EFCAB14: variants seen among roughly 807,000 people sequenced by gnomAD.
The protein encoded by EFCAB14 is EF-hand calcium-binding domain-containing protein 14.
EFCAB14 carries 43 observed loss-of-function variants against 56.5 expected under a neutral mutation model. That is an observed-to-expected ratio of 0.76 (90% CI 0.60 to 0.98). The LOEUF (loss-of-function observed/expected upper bound fraction) is 0.98. EFCAB14 is among the 50% of genes least tolerant of loss of function. The pLI, the probability that EFCAB14 is intolerant of heterozygous loss-of-function variation, is 0.00. For missense variants in EFCAB14, 538 were observed against 580.3 expected (o/e 0.93, Z 0.75); for synonymous variants, 235 against 212.9 (o/e 1.10, Z -0.90).
rs1445024066 is a variant in EFCAB14 at position 46,677,192 on chromosome 1, T to A, written c.*1269A>T. On this transcript the variant is annotated 3_prime_UTR_variant, in exon 11 of 11. Coordinates refer to ENST00000371933, the MANE Select transcript of EFCAB14 (RefSeq NM_014774.3). ...CCACAGAAGCATTTAAAGGAAGTAT[T>A]GTACTTGATTGTATTAGATTTGAAA... is the stretch of plus-strand genomic sequence containing the variant. 6.6e-6 allele frequency: 1 copy of A among 152,584 alleles called. No individual in the cohort carries two copies. Among genetic ancestry groups the A allele is most frequent in the Non-Finnish European group, 1.5e-5 (1 of 68,038 alleles). 9.5% of individuals were successfully genotyped at this position (152,584 alleles called of 1,614,324 possible).
chr1:46,684,608 C>G lies in EFCAB14; in HGVS notation c.1075-6G>C. ...GAATTTGAACTATCTTCTTTCTGCACAAAACAAAGATTATAGAAGGTTTAA... is the reference window on the plus strand; with the variant it reads ...GAATTTGAACTATCTTCTTTCTGCAGAAAACAAAGATTATAGAAGGTTTAA... On this transcript the variant is annotated splice_region_variant and splice_polypyrimidine_tract_variant and intron_variant, in intron 8 of 10. Coordinates refer to ENST00000371933, the MANE Select transcript of EFCAB14 (RefSeq NM_014774.3). The G allele has an allele frequency of 6.2e-7, 1 of 1,608,612 alleles. No individual in the cohort carries two copies. Among genetic ancestry groups the G allele is most frequent in the South Asian group, 1.1e-5 (1 of 90,980 alleles).
At chr1:46,691,484 G>A (rs554550585) in intron 5 of EFCAB14, among the ~76,000 whole-genome samples, 13 of 152,272 alleles carry the variant, frequency 8.5e-5, no homozygotes, top group African/African-American at 2.9e-4. Flanking sequence ...CTTGTTTTAA[G>A]CCACAAACTT....
intron 10 of EFCAB14, 61 bp from the exon 11 acceptor site, chr1:46,678,697 A>C: frequency 3.4e-6 from 5 of 1,489,536 alleles, no homozygotes; most frequent in Non-Finnish European, 4.5e-6. Context: ...TTTAGTTAAA[A>C]GTAGTCTCAA....
Position 46,684,506 on chromosome 1 carries a change from C to G in EFCAB14, c.1171G>C (p.Glu391Gln), listed in dbSNP as rs1676847173. 2.5e-6 allele frequency: 4 copies of G among 1,614,026 alleles called. No individual in the cohort carries two copies. The highest frequency in any genetic ancestry group is 3.4e-6 in the Non-Finnish European group (4 of 1,179,948). The part of the protein sequence containing the change: ...TNKPESNRPP[E>Q]TADEEQVESF... ...CTGCTCTCACCTTCATCGGCGGTCTCTGGAGGCCTGTTGCTCTCAGGTTTG... is the reference window on the plus strand; with the variant it reads ...CTGCTCTCACCTTCATCGGCGGTCTGTGGAGGCCTGTTGCTCTCAGGTTTG... Residue 391 changes from glutamate (E) to glutamine (Q), a missense_variant, in exon 9 of 11, where the codon GAG becomes CAG. Transcript: ENST00000371933.
At chr1:46,713,584 A>G (rs904442828) in intron 2 of EFCAB14, among the ~76,000 whole-genome samples, 16 of 152,224 alleles carry the variant, frequency 1.1e-4, no homozygotes, top group African/African-American at 3.1e-4. Context: ...TATAAATTAC[A>G]TAAGTATCCT....
Position 46,684,530 on chromosome 1 carries a change from T to C in EFCAB14, c.1147A>G (p.Lys383Glu). 1 of 1,614,166 alleles carries C rather than the reference T, an allele frequency of 6.2e-7. No individual in the cohort carries two copies. Among genetic ancestry groups the C allele is most frequent in the Non-Finnish European group, 8.5e-7 (1 of 1,180,000 alleles). Residue 383 changes from lysine (K) to glutamate (E), a missense_variant, in exon 9 of 11, where the codon AAA becomes GAA. By Grantham distance (56) the Lys-to-Glu change is moderately conservative. Coordinates refer to ENST00000371933, the MANE Select transcript of EFCAB14 (RefSeq NM_014774.3). ...KLQLISALTN[K>E]PESNRPPETA... ...TCTGGAGGCCTGTTGCTCTCAGGTTTGTTTGTAAGAGCACTGATCAGCTGG... is the reference window on the plus strand; with the variant it reads ...TCTGGAGGCCTGTTGCTCTCAGGTTCGTTTGTAAGAGCACTGATCAGCTGG...
chr1:46,694,962 G>A (rs1027779249), intron 4 of EFCAB14, among the ~76,000 whole-genome samples: 2 of 151,468 alleles, frequency 1.3e-5, no homozygotes, highest in African/African-American at 4.8e-5. Flanking sequence ...ATCATTCTCA[G>A]CAAACTATTG....
At chr1:46,688,202 A>G in intron 7 of EFCAB14, 151 bp downstream of exon 7, 1 of 743,078 alleles carries the variant, frequency 1.3e-6, no homozygotes, top group South Asian at 1.8e-5. Context: ...TAGTGTGAGG[A>G]TTAAATGAGA....
chr1:46,704,900 C>CT (rs11443920), intron 3 of EFCAB14, among the ~76,000 whole-genome samples: 120,565 of 150,054 alleles, frequency 0.8, 48,584 homozygotes, highest in East Asian at 0.9. Context: ...AAACTAATGG[C>CT]TTTTTTTTCA....
intron 1 of EFCAB14, among the ~76,000 whole-genome samples, chr1:46,717,242 C>T (rs1677411163): frequency 6.6e-6 from 1 of 152,200 alleles, no homozygotes; most frequent in Admixed American, 6.5e-5. Context: ...TTTCTACATC[C>T]TCAGCAGAAT....
chr1:46,707,959 C>A lies in EFCAB14; in HGVS notation c.427G>T (p.Gly143Ter). 6.2e-7 allele frequency: 1 copy of A among 1,612,458 alleles called. No individual in the cohort carries two copies. ...KQKQLEKIES[G>*]EMGLNKVWIN... ...CAGACTTTGTTCAAACCCATCTCTC[C>A]AGATTCAATCTTCTCAAGTTGTTTT... is the stretch of plus-strand genomic sequence containing the variant. The change falls in exon 3 of 11, where the codon GGA becomes TGA. Residue 143 changes from glycine to a stop codon, truncating the protein, a stop_gained. Transcript: ENST00000371933. LOFTEE classifies it high-confidence loss of function.
At chr1:46,684,392 G>T in intron 9 of EFCAB14, 99 bp downstream of exon 9, 1 of 932,472 alleles carries the variant, frequency 1.1e-6, no homozygotes, top group Non-Finnish European at 1.7e-6. Flanking sequence ...TCACTCGCTT[G>T]GTGCGATCAG....
chr1:46,702,682 C>T (rs555420584), intron 3 of EFCAB14, among the ~76,000 whole-genome samples: 7 of 152,030 alleles, frequency 4.6e-5, no homozygotes, highest in East Asian at 1.9e-4. Context: ...ATACCATCAT[C>T]GTTATCATCA....
At chr1:46,713,487 G>A (rs923468297) in intron 2 of EFCAB14, among the ~76,000 whole-genome samples, 1 of 152,074 alleles carries the variant, frequency 6.6e-6, no homozygotes, top group Non-Finnish European at 1.5e-5. Flanking sequence ...TGATTGCCAG[G>A]TCTATTATAT....
rs1226448846 is a variant in EFCAB14 at position 46,684,006 on chromosome 1, A to G, written c.1186+485T>C. Among the ~76,000 whole-genome samples, 3 of 152,368 alleles carry G rather than the reference A, an allele frequency of 2.0e-5. No homozygotes were observed. The East Asian group carries it at 5.8e-4, about 29-fold the overall frequency. On this transcript the variant is annotated intron_variant, in intron 9 of 10. Coordinates refer to ENST00000371933, the MANE Select transcript of EFCAB14 (RefSeq NM_014774.3). ...CCTTGGTTATGTCCTCACAGGGTCT[A>G]AATCAGTGGAGGCTCATGTATCTGC...
intron 3 of EFCAB14, among the ~76,000 whole-genome samples, chr1:46,705,624 G>T (rs930024005): frequency 1.3e-5 from 2 of 152,148 alleles, no homozygotes; most frequent in African/African-American, 4.8e-5. Context: ...TGCGATGGGG[G>T]TGGCGTCCTG....
chr1:46,681,770 A>C (rs1418349160), intron 10 of EFCAB14, among the ~76,000 whole-genome samples: 1 of 152,014 alleles, frequency 6.6e-6, no homozygotes, highest in Admixed American at 6.6e-5. Context: ...AGGTCATTCC[A>C]AAAGTATAGT....
intron 1 of EFCAB14, 130 bp downstream of exon 1, chr1:46,717,773 T>C (rs1677420389): frequency 5.4e-6 from 5 of 932,658 alleles, no homozygotes; most frequent in Non-Finnish European, 7.9e-6. Context: ...AAACCGTTTT[T>C]CCCTCTTTGA....
chr1:46,682,509 G>C (rs1284532666), intron 10 of EFCAB14, among the ~76,000 whole-genome samples: 1 of 152,136 alleles, frequency 6.6e-6, no homozygotes, highest in Non-Finnish European at 1.5e-5. Context: ...TTTTTGGAGG[G>C]CCCTGACAAA....
Sources: gnomAD v4.1 joint callset for allele counts (sites outside exome capture counted in the v4.1 genomes callset) on GRCh38, gnomAD v4.1.1 for gene constraint, MANE v1.5 for transcripts, NCBI Gene and HGNC (gene_info 2026-07-23, HGNC 2026-07-21) for gene names.